The following GPHN variants were observed in gnomAD, a reference collection of about 807,000 sequenced individuals.
GPHN encodes gephyrin.
Under a neutral mutation model 95.5 loss-of-function variants are expected in GPHN, and 17 were observed. The observed-to-expected ratio is 0.18, with a 90% CI of 0.12 to 0.27. The LOEUF (loss-of-function observed/expected upper bound fraction) is 0.27, where lower values mean the gene tolerates loss of function less well. GPHN is among the 10% of genes least tolerant of loss of function. GPHN has a pLI of 1.00. For synonymous variants in GPHN, 320 were observed against 322.5 expected (o/e 0.99, Z 0.08); for missense variants, 660 against 978.1 (o/e 0.67, Z 4.34).
chr14:66,702,707 A>G (rs1363395944), intron 2 of GPHN, among the ~76,000 whole-genome samples: 1 of 152,242 alleles, frequency 6.6e-6, no homozygotes, highest in East Asian at 1.9e-4. Context: ...GAAAGAATCA[A>G]TGAAAAAATG....
At chr14:66,780,195 T>C (rs1566937467) in intron 3 of GPHN, among the ~76,000 whole-genome samples, 1 of 152,076 alleles carries the variant, frequency 6.6e-6, no homozygotes, top group Non-Finnish European at 1.5e-5. Context: ...AAGAGGATGT[T>C]TTGGACTTAC....
At chr14:66,702,678 G>A (rs1310404036) in intron 2 of GPHN, among the ~76,000 whole-genome samples, 2 of 152,166 alleles carry the variant, frequency 1.3e-5, no homozygotes, top group African/African-American at 4.8e-5. Flanking sequence ...ATTGAAATTA[G>A]ACAAACTCAT....
intron 2 of GPHN, among the ~76,000 whole-genome samples, chr14:66,763,208 ATT>A (rs34269319): frequency 0.32 from 46,340 of 145,588 alleles, 10,877 homozygotes; most frequent in African/African-American, 0.64. Flanking sequence ...TATTACAACT[ATT>A]TTTTTTTTAA....
chr14:66,592,196 A>C (rs879070277), intron 1 of GPHN, among the ~76,000 whole-genome samples: 3 of 152,196 alleles, frequency 2.0e-5, no homozygotes, highest in African/African-American at 7.2e-5. Context: ...AAACCATAAA[A>C]ACTCTAGAAG....
intron 1 of GPHN, among the ~76,000 whole-genome samples, chr14:66,527,244 C>G (rs1480533275): frequency 6.6e-6 from 1 of 152,084 alleles, no homozygotes; most frequent in Non-Finnish European, 1.5e-5. Context: ...TCTAGATTTT[C>G]TAGTTTATTT....
At chr14:67,442,791 C>T in the GPHN span, among the ~76,000 whole-genome samples, 3 of 152,158 alleles carry the variant, frequency 2.0e-5, no homozygotes, top group African/African-American at 7.2e-5. Context: ...GCCTGGATAC[C>T]CTGTGAAGGG....
At chr14:67,662,299 C>T in the GPHN span, among the ~76,000 whole-genome samples, 1 of 152,152 alleles carries the variant, frequency 6.6e-6, no homozygotes. Flanking sequence ...TCAGGCTTCA[C>T]CCATTTGTTT....
the GPHN span, chr14:67,572,275 G>C: frequency 1.6e-5 from 25 of 1,593,772 alleles, no homozygotes; most frequent in Non-Finnish European, 2.0e-5. Flanking sequence ...GGGCCTGGGC[G>C]GGGTGAGCCG....
In GPHN at chr14:67,171,374, GA is replaced by G. The variant is rs111769551; in HGVS notation, c.2079+2349del. ...AAACACTTCCAAAGCATCTGGTAAAGAAAAAAAAAAAGAAAAAGAAAAAGAA... is the reference window on the plus strand; with the variant it reads ...AAACACTTCCAAAGCATCTGGTAAAGAAAAAAAAAAGAAAAAGAAAAAGAA... On this transcript the variant is annotated intron_variant, in intron 21 of 22. Transcript: ENST00000478722. Among the ~76,000 whole-genome samples the G allele has an allele frequency of 3.8e-3, 504 of 133,546 alleles. 5 individuals carry two copies. The highest frequency in any genetic ancestry group is 0.012 in the African/African-American group (448 of 36,586). The allele number at this position is 133,546 out of a possible 152,430, so 87.6% of individuals were successfully genotyped here. A position where few individuals can be genotyped will look rare whatever the true frequency, so the allele number is the denominator to read the frequency against.
chr14:67,553,772 A>G, the GPHN span, among the ~76,000 whole-genome samples: 1 of 152,236 alleles, frequency 6.6e-6, no homozygotes, highest in African/African-American at 2.4e-5. Context: ...GTGAAGGTCA[A>G]GGAACTCCTC....
intron 2 of GPHN, among the ~76,000 whole-genome samples, chr14:66,719,288 C>A (rs1307970934): frequency 1.3e-5 from 2 of 152,154 alleles, no homozygotes; most frequent in African/African-American, 4.8e-5. Context: ...GCTTGTGGAC[C>A]CAGAAAGCTC....
At chr14:67,399,046 G>A in the GPHN span, among the ~76,000 whole-genome samples, 1 of 152,218 alleles carries the variant, frequency 6.6e-6, no homozygotes, top group African/African-American at 2.4e-5. Context: ...ACCTGCATCT[G>A]CTTTTTTTCC....
At chr14:67,453,511 C>T in the GPHN span, among the ~76,000 whole-genome samples, 11 of 152,172 alleles carry the variant, frequency 7.2e-5, no homozygotes, top group South Asian at 8.3e-4. Context: ...GTCTGGCTGT[C>T]GCCTTCCTGC....
At chr14:66,991,896 A>G (rs896671567) in intron 9 of GPHN, among the ~76,000 whole-genome samples, 2 of 151,572 alleles carry the variant, frequency 1.3e-5, no homozygotes, top group Non-Finnish European at 2.9e-5. Flanking sequence ...AAGAAAAGAA[A>G]AGAAAAACAT....
At chr14:67,130,018 T>C (rs116271039) in intron 17 of GPHN, among the ~76,000 whole-genome samples, 87 of 152,364 alleles carry the variant, frequency 5.7e-4, no homozygotes, top group African/African-American at 2.0e-3. Flanking sequence ...TTCTTTTTCT[T>C]CATTTTCATG....
the GPHN span, chr14:67,714,485 T>A: frequency 6.6e-6 from 1 of 152,478 alleles, no homozygotes; most frequent in Non-Finnish European, 1.5e-5. Context: ...ATATTCTTTT[T>A]ATTAAAAAGA....
intron 8 of GPHN, among the ~76,000 whole-genome samples, chr14:66,943,643 GCAC>G (rs1364005594): frequency 6.6e-6 from 1 of 151,314 alleles, no homozygotes; most frequent in African/African-American, 2.4e-5. Flanking sequence ...GAACTGAAAG[GCAC>G]CACAACTTTT....
the GPHN span, chr14:67,727,431 C>G: frequency 2.2e-6 from 1 of 463,502 alleles, no homozygotes. Context: ...TCTCTTATCT[C>G]ATTTGATTTT....
intron 1 of GPHN, among the ~76,000 whole-genome samples, chr14:66,526,250 GTGAATGGGAGTTCAC>G (rs1403102469): frequency 6.6e-6 from 1 of 152,130 alleles, no homozygotes; most frequent in East Asian, 1.9e-4. Flanking sequence ...TGTATCACTT[GTGAATGGGAGTTCAC>G]TCATGATTTG....
Sources: allele counts gnomAD v4.1 joint callset (sites outside exome capture counted in the v4.1 genomes callset), GRCh38; gene constraint gnomAD v4.1.1; transcripts MANE v1.5; gene names NCBI Gene and HGNC (gene_info 2026-07-23, HGNC 2026-07-21).